PTPN20: variants seen among roughly 807,000 people sequenced by gnomAD.
PTPN20 encodes tyrosine-protein phosphatase non-receptor type 20.
PTPN20 carries 9 observed loss-of-function variants against 35.0 expected under a neutral mutation model. The observed-to-expected ratio is 0.26, with a 90% CI of 0.15 to 0.45. The LOEUF is 0.45. Ranked by LOEUF, PTPN20 falls within the 20% of genes least tolerant of loss-of-function variation. The pLI is 1.00. For synonymous variants in PTPN20, 32 were observed against 100.2 expected (o/e 0.32, Z 4.06); for missense variants, 111 against 312.5 (o/e 0.36, Z 4.86).
chr10:46,993,198 G>C (rs1377830891), intron 9 of PTPN20, among the ~76,000 whole-genome samples: 2 of 152,214 alleles, frequency 1.3e-5, no homozygotes, highest in Non-Finnish European at 2.9e-5. Context: ...GTGGGAAGGG[G>C]TAGCGATGAT....
At position 47,000,694 on chromosome 10, in the gene PTPN20, T is replaced by A; in HGVS notation, c.1216T>A (p.Tyr406Asn). The part of the protein sequence containing the change: ...VQTKEQYHFC[Y>N]DIVLEVLRKL... ...TATATAGGAGCAGTATCACTTTTGT[T>A]ACGATATTGTGCTTGAAGTTCTTCG... The change falls in exon 11 of 11, where the codon TAC (tyrosine) becomes AAC (asparagine). Residue 406 changes from tyrosine (Y) to asparagine (N), a missense_variant. By Grantham distance (143) the Tyr-to-Asn change is moderately radical. Transcript: ENST00000374339. The A allele has an allele frequency of 6.2e-7, 1 of 1,613,554 alleles. No individual in the cohort carries two copies.
chr10:46,951,271 G>A (rs1366038330), intron 5 of PTPN20, among the ~76,000 whole-genome samples: 1 of 152,058 alleles, frequency 6.6e-6, no homozygotes, highest in Admixed American at 6.6e-5. Flanking sequence ...GGGATTACAG[G>A]CGTGAGCCAC....
chr10:46,954,535 G>A (rs1311460783), intron 5 of PTPN20, among the ~76,000 whole-genome samples: 1 of 142,328 alleles, frequency 7.0e-6, no homozygotes, highest in Non-Finnish European at 1.5e-5. Flanking sequence ...TAACTTATGG[G>A]ACTAGAGTTG....
intron 1 of PTPN20, among the ~76,000 whole-genome samples, chr10:46,928,189 G>A (rs2038285355): frequency 6.6e-6 from 1 of 151,924 alleles, no homozygotes; most frequent in Non-Finnish European, 1.5e-5. Context: ...GGGTCTCAGT[G>A]CCTTTGGAAC....
intron 1 of PTPN20, among the ~76,000 whole-genome samples, chr10:46,923,247 G>T (rs553166451): frequency 1.4e-5 from 2 of 144,322 alleles, no homozygotes; most frequent in African/African-American, 5.7e-5. Flanking sequence ...GTGCAGCCCT[G>T]CTGACACCTT....
intron 2 of PTPN20, among the ~76,000 whole-genome samples, chr10:46,937,371 AC>A (rs1199652344): frequency 6.6e-6 from 1 of 151,924 alleles, no homozygotes; most frequent in Non-Finnish European, 1.5e-5. Flanking sequence ...CTCATATATT[AC>A]ATTTGTATTT....
At chr10:46,997,835 G>A (rs2059409621) in intron 9 of PTPN20, among the ~76,000 whole-genome samples, 1 of 152,166 alleles carries the variant, frequency 6.6e-6, no homozygotes, top group South Asian at 2.1e-4. Flanking sequence ...TTGGGGAAAT[G>A]CTAATTAAAA....
chr10:46,997,261 A>G (rs1308189831), intron 9 of PTPN20, among the ~76,000 whole-genome samples: 1 of 151,992 alleles, frequency 6.6e-6, no homozygotes, highest in African/African-American at 2.4e-5. Context: ...TTCAGTTTCC[A>G]CATATTCATT....
intron 5 of PTPN20, among the ~76,000 whole-genome samples, chr10:46,948,243 C>T (rs1286809421): frequency 3.3e-5 from 5 of 151,912 alleles, no homozygotes; most frequent in Admixed American, 6.6e-5. Flanking sequence ...GTTGTTAATG[C>T]GTTTTGTTTG....
At chr10:46,932,162 A>T (rs1555119906) in intron 1 of PTPN20, among the ~76,000 whole-genome samples, 3 of 151,582 alleles carry the variant, frequency 2.0e-5, no homozygotes, top group Non-Finnish European at 4.4e-5. Context: ...TGCAAGGTAT[A>T]GCATATTTAA....
At chr10:46,992,424 G>A (rs985158184) in intron 9 of PTPN20, among the ~76,000 whole-genome samples, 3 of 152,106 alleles carry the variant, frequency 2.0e-5, no homozygotes, top group East Asian at 1.9e-4. Flanking sequence ...CCCCTGGCCC[G>A]AAATTCTTTT....
rs2059954238 is a variant in PTPN20, at chr10:47,000,789, C to T, written c.*48C>T. 11 of 1,604,202 alleles carry T rather than the reference C, an allele frequency of 6.9e-6. No individual in the cohort carries two copies. The highest frequency in any genetic ancestry group is 9.4e-6 in the Non-Finnish European group (11 of 1,171,196). On this transcript the variant is annotated 3_prime_UTR_variant, in exon 11 of 11. Transcript: ENST00000374339. ...CTTGAAATTACCAAGTGGGTTTGCA[C>T]CTCCTCATAAAGAACATGTTTGCAC...
chr10:46,999,830 C>A, intron 9 of PTPN20, 82 bp from the exon 10 acceptor site: 1 of 1,497,504 alleles, frequency 6.7e-7, no homozygotes, highest in South Asian at 1.1e-5. Context: ...ATCTTGACAT[C>A]TCTTTCACCC....
intron 10 of PTPN20, 96 bp from the exon 11 acceptor site, chr10:47,000,580 T>C (rs2059927000): frequency 1.4e-6 from 2 of 1,459,450 alleles, no homozygotes; most frequent in South Asian, 1.2e-5. Context: ...TTAGGAACTT[T>C]CCAGTGTGGC....
chr10:46,939,930 T>C (rs1369960285), intron 2 of PTPN20, among the ~76,000 whole-genome samples: 92 of 152,288 alleles, frequency 6.0e-4, no homozygotes, highest in Admixed American at 2.0e-3. Context: ...ATTGATTTGG[T>C]AATATGCCAT....
At chr10:46,958,799 T>C (rs2049034799) in intron 5 of PTPN20, among the ~76,000 whole-genome samples, 1 of 148,596 alleles carries the variant, frequency 6.7e-6, no homozygotes, top group African/African-American at 2.5e-5. Context: ...TCCATTGGTG[T>C]TTTAAAATTA....
At chr10:46,937,448 T>G (rs1426600760) in intron 2 of PTPN20, among the ~76,000 whole-genome samples, 1 of 152,172 alleles carries the variant, frequency 6.6e-6, no homozygotes, top group Non-Finnish European at 1.5e-5. Flanking sequence ...CAGCTATTAT[T>G]TCTTCATATT....
At chr10:46,935,302 TTC>T (rs2041143118) in intron 2 of PTPN20, among the ~76,000 whole-genome samples, 5 of 120,924 alleles carry the variant, frequency 4.1e-5, no homozygotes, top group South Asian at 2.9e-4. Flanking sequence ...CATGATTTCA[TTC>T]TGTTTTTTTT....
chr10:46,981,398 G>A (rs2055345547), intron 7 of PTPN20: 1 of 148,064 alleles, frequency 6.8e-6, no homozygotes, highest in African/African-American at 2.5e-5. Flanking sequence ...CACCAAGGCT[G>A]ACCTGGCTAC....
Sources: allele counts gnomAD v4.1 joint callset (sites outside exome capture counted in the v4.1 genomes callset), GRCh38; gene constraint gnomAD v4.1.1; transcripts MANE v1.5; gene names NCBI Gene and HGNC (gene_info 2026-07-23, HGNC 2026-07-21).